AGPAT4: variants seen among roughly 807,000 people sequenced by gnomAD.
AGPAT4 encodes 1-acylglycerol-3-phosphate O-acyltransferase 4.
In AGPAT4, 15 loss-of-function variants were observed where a neutral mutation model predicts 48.0. The observed-to-expected ratio is 0.31, with a 90% CI of 0.21 to 0.48. AGPAT4 has a LOEUF of 0.48. AGPAT4 is among the 20% of genes least tolerant of loss of function. AGPAT4 has a pLI of 0.99. For synonymous variants in AGPAT4, 178 were observed against 198.7 expected (o/e 0.90, Z 0.88); for missense variants, 314 against 482.5 (o/e 0.65, Z 3.27).
In AGPAT4 at chr6:161,266,742, A is replaced by T. The variant is rs1453726120; in HGVS notation, c.-90+7196T>A. On this transcript the variant is annotated intron_variant, in intron 1 of 8. Transcript: ENST00000320285. This position sits in a 1 kb window ranked among gnomAD's most constrained non-coding sequence, Gnocchi z 6.2. ...GCAGGACACAGTCTGAGATGATTGCATTGATTGTCTGCTGATGGCTGCAGT... is the reference window on the plus strand; with the variant it reads ...GCAGGACACAGTCTGAGATGATTGCTTTGATTGTCTGCTGATGGCTGCAGT... Among the ~76,000 whole-genome samples the T allele has an allele frequency of 6.6e-6, 1 of 152,212 alleles. No individual in the cohort carries two copies. Among genetic ancestry groups the T allele is most frequent in the African/African-American group, 2.4e-5 (1 of 41,454 alleles).
Position 161,138,434 on chromosome 6 carries a change from G to A in AGPAT4, c.1042+988C>T, listed in dbSNP as rs555155695. On this transcript the variant is annotated intron_variant, in intron 8 of 8. Coordinates refer to ENST00000320285, the MANE Select transcript of AGPAT4 (RefSeq NM_020133.3). This position sits in a 1 kb window ranked among gnomAD's most constrained non-coding sequence, Gnocchi z 4.8. ...TGGTTATGATTCATTAGGTGAAAAG[G>A]CGAGCTGAAGAAACTCCACTGATAC... Among the ~76,000 whole-genome samples the A allele has an allele frequency of 1.3e-5, 2 of 152,228 alleles. No homozygotes were observed. The highest frequency in any genetic ancestry group is 3.9e-4 in the East Asian group (2 of 5,170).
chr6:161,265,453 T>A (rs1376153530), intron 1 of AGPAT4, among the ~76,000 whole-genome samples: 1 of 149,834 alleles, frequency 6.7e-6, no homozygotes, highest in Non-Finnish European at 1.5e-5. Context: ...ACCGCTGGAC[T>A]GGGTGCTGGA....
At chr6:161,162,522 T>C (rs564469756) in intron 3 of AGPAT4, among the ~76,000 whole-genome samples, 1 of 152,290 alleles carries the variant, frequency 6.6e-6, no homozygotes, top group African/African-American at 2.4e-5. Context: ...GTGAGCAAGC[T>C]TGGAGGCAGA....
chr6:161,159,686 C>G lies in AGPAT4; in HGVS notation c.349-5376G>C, dbSNP rs1244038950. Reference sequence around the variant, plus strand: ...GAGACGAAGTTTCACTCTTGTTGCCCAGGCTGGAGTGCAGTGGCACAATCT... The same window carrying G: ...GAGACGAAGTTTCACTCTTGTTGCCGAGGCTGGAGTGCAGTGGCACAATCT... On this transcript the variant is annotated intron_variant, in intron 3 of 8. Coordinates refer to ENST00000320285, the MANE Select transcript of AGPAT4 (RefSeq NM_020133.3). This position sits in a 1 kb window ranked among gnomAD's most constrained non-coding sequence, Gnocchi z 4.1. Among the ~76,000 whole-genome samples, 1 of 152,180 alleles carries G rather than the reference C, an allele frequency of 6.6e-6. No homozygotes were observed. Among genetic ancestry groups the G allele is most frequent in the African/African-American group, 2.4e-5 (1 of 41,448 alleles).
Position 161,156,357 on chromosome 6 carries a change from AG to A in AGPAT4, c.349-2048del, listed in dbSNP as rs141599705. ...CTGCAGCTGCCTTCACGCTACACAC[AG>A]GAGTGTTTTTTGACAGACACGCTGT... On this transcript the variant is annotated intron_variant, in intron 3 of 8. Transcript: ENST00000320285. Among the ~76,000 whole-genome samples, 648 of 152,316 alleles carry A rather than the reference AG, an allele frequency of 4.3e-3. 2 individuals carry two copies. Among genetic ancestry groups the A allele is most frequent in the Non-Finnish European group, 6.9e-3 (472 of 68,026 alleles).
At chr6:161,170,591 T>A (rs1175822028) in intron 2 of AGPAT4, among the ~76,000 whole-genome samples, 1 of 152,164 alleles carries the variant, frequency 6.6e-6, no homozygotes, top group Non-Finnish European at 1.5e-5. Flanking sequence ...GTAAATATAC[T>A]GCACATGACT....
In AGPAT4 at chr6:161,177,541, A is replaced by T. The variant is rs1379978113; in HGVS notation, c.179-11124T>A. 6.6e-6 allele frequency among the ~76,000 whole-genome samples: 1 copy of T among 151,860 alleles called. No homozygotes were observed. The highest frequency in any genetic ancestry group is 1.5e-5 in the Non-Finnish European group (1 of 67,960). ...CGCTGTTTATTCTAGTTAGCCATTC[A>T]TCTAATCTTTTTTTTCAAGGTTTTT... On this transcript the variant is annotated intron_variant, in intron 2 of 8. Transcript: ENST00000320285. The surrounding 1 kb of genome is among the most constrained non-coding windows in gnomAD (Gnocchi z 5.0).
rs79067311 is a variant in AGPAT4 at position 161,189,001 on chromosome 6, C to A, written c.179-22584G>T. ...GGGCTCAGTCCTCTTGCTTTGCTGG[C>A]CTCGTGCACGTGCAGAACACGTGTT... On this transcript the variant is annotated intron_variant, in intron 2 of 8. Transcript: ENST00000320285. The surrounding 1 kb of genome is among the most constrained non-coding windows in gnomAD (Gnocchi z 5.3). Among the ~76,000 whole-genome samples the A allele has an allele frequency of 4.8e-4, 73 of 152,264 alleles. No individual in the cohort carries two copies. The highest frequency in any genetic ancestry group is 1.8e-3 in the African/African-American group (73 of 41,540).
chr6:161,211,951 T>C (rs1251224029), intron 2 of AGPAT4, among the ~76,000 whole-genome samples: 2 of 152,112 alleles, frequency 1.3e-5, no homozygotes, highest in African/African-American at 2.4e-5. Flanking sequence ...CCAGAGAGTA[T>C]TGTGGAAGAG....
Position 161,149,123 on chromosome 6 carries a change from A to T in AGPAT4, c.767+64T>A. 1 of 1,566,898 alleles carries T rather than the reference A, an allele frequency of 6.4e-7. No homozygotes were observed. Among genetic ancestry groups the T allele is most frequent in the Non-Finnish European group, 8.6e-7 (1 of 1,159,544 alleles). ...ATCCCTGGAAGAAAGTCTCTAGGTC[A>T]TTTGTGATGTGTTTACTTTGAAATG... On this transcript the variant is annotated intron_variant, in intron 6 of 8. Transcript: ENST00000320285. The surrounding 1 kb of genome is among the most constrained non-coding windows in gnomAD (Gnocchi z 6.5).
At position 161,130,923 on chromosome 6, in the gene AGPAT4, A is replaced by G. The variant is rs762822756; in HGVS notation, c.*5617T>C. 1 of 518,924 alleles carries G rather than the reference A, an allele frequency of 1.9e-6. No individual in the cohort carries two copies. Among genetic ancestry groups the G allele is most frequent in the South Asian group, 1.4e-5 (1 of 71,582 alleles). 32.1% of individuals were successfully genotyped at this position (518,924 alleles called of 1,614,324 possible). A position where few individuals can be genotyped will look rare whatever the true frequency, so the allele number is the denominator to read the frequency against. Reference sequence around the variant, plus strand: ...CAAAATTCCATGGATGACTTTTCTGAATGTCCTAGAATGTTTGGCAAAGAT... The same window carrying G: ...CAAAATTCCATGGATGACTTTTCTGGATGTCCTAGAATGTTTGGCAAAGAT... On this transcript the variant is annotated 3_prime_UTR_variant, in exon 9 of 9. Coordinates refer to ENST00000320285, the MANE Select transcript of AGPAT4 (RefSeq NM_020133.3).
At chr6:161,190,007 A>G (rs1780876374) in intron 2 of AGPAT4, among the ~76,000 whole-genome samples, 1 of 152,158 alleles carries the variant, frequency 6.6e-6, no homozygotes, top group Non-Finnish European at 1.5e-5. Context: ...CTTACGGTCA[A>G]TGACTAGAGT....
Position 161,136,509 on chromosome 6 carries a change from G to A in AGPAT4, c.*31C>T. Reference sequence around the variant, plus strand: ...TATGCAGAGGCCACCAGTTCCCCAAGGTTCCCTTCGGATGGTGACACCTCC... The same window carrying A: ...TATGCAGAGGCCACCAGTTCCCCAAAGTTCCCTTCGGATGGTGACACCTCC... On this transcript the variant is annotated 3_prime_UTR_variant, in exon 9 of 9. Coordinates refer to ENST00000320285, the MANE Select transcript of AGPAT4 (RefSeq NM_020133.3). 1 of 1,600,864 alleles carries A rather than the reference G, an allele frequency of 6.2e-7. No homozygotes were observed. Among genetic ancestry groups the A allele is most frequent in the Non-Finnish European group, 8.6e-7 (1 of 1,168,408 alleles).
At chr6:161,150,035 A>T (rs141872465) in intron 5 of AGPAT4, among the ~76,000 whole-genome samples, 245 of 152,346 alleles carry the variant, frequency 1.6e-3, no homozygotes, top group African/African-American at 5.7e-3. Flanking sequence ...CCATTCTATG[A>T]GCATTATTTT....
chr6:161,169,725 A>G lies in AGPAT4; in HGVS notation c.179-3308T>C, dbSNP rs1382814769. Among the ~76,000 whole-genome samples, 2 of 152,230 alleles carry G rather than the reference A, an allele frequency of 1.3e-5. No homozygotes were observed. The highest frequency in any genetic ancestry group is 2.9e-5 in the Non-Finnish European group (2 of 68,048). Reference sequence around the variant, plus strand: ...TTGTAAAATGATTCAAACAACCCAGAAGTATGTACAAGAAAATATAAAATT... The same window carrying G: ...TTGTAAAATGATTCAAACAACCCAGGAGTATGTACAAGAAAATATAAAATT... On this transcript the variant is annotated intron_variant, in intron 2 of 8. Transcript: ENST00000320285. The surrounding 1 kb of genome is among the most constrained non-coding windows in gnomAD (Gnocchi z 5.0).
At chr6:161,194,535 TATGTGTGTATGTGTATGTGTGC>T (rs1364249315) in intron 2 of AGPAT4, among the ~76,000 whole-genome samples, 2 of 151,484 alleles carry the variant, frequency 1.3e-5, no homozygotes, top group African/African-American at 4.9e-5. Context: ...TCTGTGTGTC[TATGTGTGTATGTGTATGTGTGC>T]ATGTGTGTAT....
chr6:161,177,685 A>G lies in AGPAT4; in HGVS notation c.179-11268T>C, dbSNP rs1258721897. On this transcript the variant is annotated intron_variant, in intron 2 of 8. Coordinates refer to ENST00000320285, the MANE Select transcript of AGPAT4 (RefSeq NM_020133.3). The surrounding 1 kb of genome is among the most constrained non-coding windows in gnomAD (Gnocchi z 5.0). The stretch of plus-strand genomic sequence containing the variant: ...GTCATTCTCCGTCCAGCTTTCTTCC[A>G]TTGCTGCGAGGAGCTGCATTCCTTT... 1.3e-5 allele frequency among the ~76,000 whole-genome samples: 2 copies of G among 152,072 alleles called. No homozygotes were observed. The highest frequency in any genetic ancestry group is 1.3e-4 in the Admixed American group (2 of 15,274).
Position 161,219,872 on chromosome 6 carries a change from T to TAGGC in AGPAT4, c.178+12160_178+12163dup, listed in dbSNP as rs554610151. On this transcript the variant is annotated intron_variant, in intron 2 of 8. Transcript: ENST00000320285. This position sits in a 1 kb window ranked among gnomAD's most constrained non-coding sequence, Gnocchi z 4.9. ...ATAGATAGATAGATAGATAGATAGA[T>TAGGC]AGGCAGGCAGGCAGGCAGGCAGGCA... Among the ~76,000 whole-genome samples the TAGGC allele has an allele frequency of 0.012, 1,499 of 120,662 alleles. 38 individuals carry two copies. Among genetic ancestry groups the TAGGC allele is most frequent in the Middle Eastern group, 0.034 (7 of 208 alleles). 79.2% of individuals were successfully genotyped at this position (120,662 alleles called of 152,430 possible). A position where few individuals can be genotyped will look rare whatever the true frequency, so the allele number is the denominator to read the frequency against.
rs1005210675 is a variant in AGPAT4 at position 161,245,299 on chromosome 6, C to G, written c.-89-12997G>C. The stretch of plus-strand genomic sequence containing the variant: ...CGTACTGACATACACGCCGGCCCCA[C>G]AGGGGTGATGGGAGACTTCAGGAGG... On this transcript the variant is annotated intron_variant, in intron 1 of 8. Coordinates refer to ENST00000320285, the MANE Select transcript of AGPAT4 (RefSeq NM_020133.3). The surrounding 1 kb of genome is among the most constrained non-coding windows in gnomAD (Gnocchi z 5.2). 6.6e-6 allele frequency among the ~76,000 whole-genome samples: 1 copy of G among 152,202 alleles called. No individual in the cohort carries two copies. Among genetic ancestry groups the G allele is most frequent in the Non-Finnish European group, 1.5e-5 (1 of 68,036 alleles).
Sources: allele counts gnomAD v4.1 joint callset (sites outside exome capture counted in the v4.1 genomes callset), GRCh38; gene constraint gnomAD v4.1.1; non-coding constraint Gnocchi (gnomAD v3.1); transcripts MANE v1.5; gene names NCBI Gene and HGNC (gene_info 2026-07-23, HGNC 2026-07-21).